Variants in PPP2R2C observed in about 807,000 individuals in gnomAD.
The protein encoded by PPP2R2C is protein phosphatase 2 regulatory subunit Bgamma.
Under a neutral mutation model 45.3 loss-of-function variants are expected in PPP2R2C, and 10 were observed. That is an observed-to-expected ratio of 0.22 (90% CI 0.14 to 0.37). The LOEUF (loss-of-function observed/expected upper bound fraction) is 0.37. Ranked by LOEUF, PPP2R2C falls within the 10% of genes least tolerant of loss-of-function variation. The pLI is 1.00. For synonymous variants in PPP2R2C, 257 were observed against 245.4 expected, an observed-to-expected ratio of 1.05 and a Z score of -0.44; for missense variants, 308 against 619.7, an observed-to-expected ratio of 0.50 and a Z score of 5.34.
intron 6 of PPP2R2C, among the ~76,000 whole-genome samples, chr4:6,339,638 A>G (rs111955833): frequency 0.049 from 7,405 of 152,304 alleles, 600 homozygotes; most frequent in African/African-American, 0.17. Context: ...TGAGCCATGC[A>G]TTCAGGGACA....
At chr4:6,489,526 G>A (rs1346713587) in intron 2 of PPP2R2C, among the ~76,000 whole-genome samples, 3 of 152,194 alleles carry the variant, frequency 2.0e-5, no homozygotes, top group Non-Finnish European at 4.4e-5. Context: ...TACCCTGCCT[G>A]TCAGTAAAGA....
At chr4:6,380,095 C>CG (rs1477970765) in intron 2 of PPP2R2C, 4 of 152,314 alleles carry the variant, frequency 2.6e-5, no homozygotes, top group African/African-American at 4.8e-5. Context: ...TCCGTGTTTG[C>CG]GGGGGGAGAC....
intron 1 of PPP2R2C, among the ~76,000 whole-genome samples, chr4:6,402,118 C>A (rs770077007): frequency 6.6e-6 from 1 of 152,192 alleles, no homozygotes; most frequent in Non-Finnish European, 1.5e-5. Context: ...GAAGAGCATG[C>A]GCTGTTGCTG....
At chr4:6,460,768 A>T (rs1377922421) in intron 1 of PPP2R2C, among the ~76,000 whole-genome samples, 3 of 152,132 alleles carry the variant, frequency 2.0e-5, no homozygotes, top group African/African-American at 7.2e-5. Flanking sequence ...CTATGACTAC[A>T]TATGTTTTTT....
At position 6,323,301 on chromosome 4, in the gene PPP2R2C, C is replaced by A; in HGVS notation, c.*1G>T. On this transcript the variant is annotated 3_prime_UTR_variant, in exon 9 of 9. Transcript: ENST00000382599. ...TGGCAGGGGCCGGGAACTGCACATA[C>A]CTAGTGCATGTCAGAGTTTACCTTG... The A allele has an allele frequency of 1.9e-6, 3 of 1,595,990 alleles. No homozygotes were observed. Among genetic ancestry groups the A allele is most frequent in the South Asian group, 2.2e-5 (2 of 89,614 alleles).
At chr4:6,417,050 CCGGG>C (rs1718639391) in intron 1 of PPP2R2C, among the ~76,000 whole-genome samples, 1 of 152,248 alleles carries the variant, frequency 6.6e-6, no homozygotes, top group South Asian at 2.1e-4. Flanking sequence ...GGGAAGCCCA[CCGGG>C]CCCCTGAACC....
intron 2 of PPP2R2C, among the ~76,000 whole-genome samples, chr4:6,499,010 T>G (rs1334436017): frequency 6.6e-6 from 1 of 152,048 alleles, no homozygotes; most frequent in African/African-American, 2.4e-5. Flanking sequence ...ATACCCAAGT[T>G]AGACAGCTCA....
chr4:6,456,159 AG>A (rs1721017127), intron 1 of PPP2R2C, among the ~76,000 whole-genome samples: 1 of 152,254 alleles, frequency 6.6e-6, no homozygotes, highest in Non-Finnish European at 1.5e-5. Context: ...TTGTTAACTC[AG>A]AGTGCAGGAT....
intron 1 of PPP2R2C, among the ~76,000 whole-genome samples, chr4:6,462,623 C>A (rs1009866224): frequency 6.6e-6 from 1 of 152,170 alleles, no homozygotes; most frequent in Non-Finnish European, 1.5e-5. Context: ...GCCAAACCAC[C>A]CAACCATAAG....
At position 6,330,878 on chromosome 4, in the gene PPP2R2C, C is replaced by T. The variant is rs566328701; in HGVS notation, c.961-1525G>A. Among the ~76,000 whole-genome samples the T allele has an allele frequency of 1.4e-3, 212 of 152,272 alleles. No homozygotes were observed. Among genetic ancestry groups the T allele is most frequent in the African/African-American group, 4.9e-3 (205 of 41,544 alleles). On this transcript the variant is annotated intron_variant, in intron 7 of 8. Coordinates refer to ENST00000382599, the MANE Select transcript of PPP2R2C (RefSeq NM_020416.4). This position sits in a 1 kb window ranked among gnomAD's most constrained non-coding sequence, Gnocchi z 7.0. ...GGCCCTGCTCATCCCTCCCCAGCCCCCGTGTCCTCCTGGTGACCCTTGCCT... is the reference window on the plus strand; with the variant it reads ...GGCCCTGCTCATCCCTCCCCAGCCCTCGTGTCCTCCTGGTGACCCTTGCCT...
intron 4 of PPP2R2C, among the ~76,000 whole-genome samples, chr4:6,374,992 T>C (rs566891624): frequency 1.5e-4 from 23 of 151,886 alleles, no homozygotes; most frequent in Admixed American, 1.2e-3. Flanking sequence ...CAGAGAAAAA[T>C]CTCCAACGCT....
At chr4:6,523,975 G>T (rs543634611) in intron 2 of PPP2R2C, among the ~76,000 whole-genome samples, 1 of 152,116 alleles carries the variant, frequency 6.6e-6, no homozygotes, top group Non-Finnish European at 1.5e-5. Flanking sequence ...GTGCAATGGC[G>T]TGATCTCGGT....
At chr4:6,336,360 G>A (rs1284620966) in intron 6 of PPP2R2C, among the ~76,000 whole-genome samples, 1 of 152,056 alleles carries the variant, frequency 6.6e-6, no homozygotes, top group Non-Finnish European at 1.5e-5. Context: ...GGAAGGAAGG[G>A]TGAGGCCGCT....
At chr4:6,456,979 G>A (rs530705101) in intron 1 of PPP2R2C, among the ~76,000 whole-genome samples, 35 of 152,192 alleles carry the variant, frequency 2.3e-4, no homozygotes, top group Non-Finnish European at 3.5e-4. Context: ...AGGCTAAGGC[G>A]GGCAGATCAC....
intron 6 of PPP2R2C, among the ~76,000 whole-genome samples, chr4:6,347,189 G>T (rs35776737): frequency 6.6e-6 from 1 of 152,066 alleles, no homozygotes; most frequent in South Asian, 2.1e-4. Context: ...ATCTCCTGGG[G>T]CTTGTGTGAA....
rs1731783295 is a variant in PPP2R2C at position 6,324,439 on chromosome 4, GAAAA to G, written c.1053-850_1053-847del. Among the ~76,000 whole-genome samples, 1 of 33,402 alleles carries G rather than the reference GAAAA, an allele frequency of 3.0e-5. No homozygotes were observed. The highest frequency in any genetic ancestry group is 6.2e-5 in the Non-Finnish European group (1 of 16,134). The allele number at this position is 33,402 out of a possible 152,430, so 21.9% of individuals were successfully genotyped here. A position where few individuals can be genotyped will look rare whatever the true frequency, so the allele number is the denominator to read the frequency against. ...AGAGCAAAACTCCGTCTCGAAAAAA[GAAAA>G]GAAAAGAAAAGAAAAGACCCTCCTG... On this transcript the variant is annotated intron_variant, in intron 8 of 8. Transcript: ENST00000382599. This position sits in a 1 kb window ranked among gnomAD's most constrained non-coding sequence, Gnocchi z 4.1.
At chr4:6,425,420 T>C (rs1488434860) in intron 1 of PPP2R2C, among the ~76,000 whole-genome samples, 1 of 152,196 alleles carries the variant, frequency 6.6e-6, no homozygotes, top group Non-Finnish European at 1.5e-5. Flanking sequence ...TTCAGGAACA[T>C]GCCAGCCCCT....
At chr4:6,363,528 G>A (rs988241780) in intron 5 of PPP2R2C, among the ~76,000 whole-genome samples, 16 of 151,794 alleles carry the variant, frequency 1.1e-4, no homozygotes, top group Admixed American at 7.9e-4. Flanking sequence ...GCAGTGAGCC[G>A]AGATTGAGCC....
intron 1 of PPP2R2C, among the ~76,000 whole-genome samples, chr4:6,404,043 G>A (rs1490054975): frequency 6.6e-6 from 1 of 152,054 alleles, no homozygotes; most frequent in East Asian, 1.9e-4. Context: ...ACCTGCCTGT[G>A]GAGTCCCTGA....
Sources: allele counts gnomAD v4.1 joint callset (sites outside exome capture counted in the v4.1 genomes callset), GRCh38; gene constraint gnomAD v4.1.1; non-coding constraint Gnocchi (gnomAD v3.1); transcripts MANE v1.5; gene names NCBI Gene and HGNC (gene_info 2026-07-23, HGNC 2026-07-21).